Variants in CAPN8 observed in about 807,000 individuals in gnomAD.
CAPN8 encodes the protein calpain 8, also known as calpain-8.
Under a neutral mutation model 80.9 loss-of-function variants are expected in CAPN8, and 87 were observed. That is an observed-to-expected ratio of 1.07 (90% confidence interval 0.90 to 1.28). The LOEUF (loss-of-function observed/expected upper bound fraction) is 1.28, where lower values mean the gene tolerates loss of function less well. Among genes scored for constraint, CAPN8 ranks in the 50% most tolerant of loss-of-function variants. The pLI is 0.00. For missense variants in CAPN8, 757 were observed against 702.0 expected, an observed-to-expected ratio of 1.08 and a Z score of -0.89; for synonymous variants, 299 against 273.8, an observed-to-expected ratio of 1.09 and a Z score of -0.91.
intron 2 of CAPN8, among the ~76,000 whole-genome samples, chr1:223,629,197 A>AGAGTGTGTGTGTGTGTGTGT (rs373877760): frequency 3.1e-5 from 3 of 95,312 alleles, no homozygotes; most frequent in South Asian, 7.3e-4. Flanking sequence ...TACGTGTAAG[A>AGAGTGTGTGTGTGTGTGTGT]GTGTGTGTGT....
intron 3 of CAPN8, 102 bp from the exon 4 acceptor site, chr1:223,628,244 G>T: frequency 7.5e-7 from 1 of 1,330,074 alleles, no homozygotes; most frequent in Non-Finnish European, 1.0e-6. Flanking sequence ...ATCAGTGTTC[G>T]AGTCTTGGCT....
At chr1:223,616,346 G>A (rs1027833651) in intron 9 of CAPN8, among the ~76,000 whole-genome samples, 1 of 152,160 alleles carries the variant, frequency 6.6e-6, no homozygotes, top group African/African-American at 2.4e-5. Context: ...CACACACACA[G>A]ACATATGGCA....
At chr1:223,640,901 T>C (rs551505922) in intron 2 of CAPN8, among the ~76,000 whole-genome samples, 4 of 152,126 alleles carry the variant, frequency 2.6e-5, no homozygotes, top group Admixed American at 2.0e-4. Flanking sequence ...AAAGTAACAC[T>C]GAACATTTTG....
At chr1:223,638,308 C>G (rs777617741) in intron 2 of CAPN8, among the ~76,000 whole-genome samples, 7 of 152,004 alleles carry the variant, frequency 4.6e-5, no homozygotes, top group African/African-American at 9.7e-5. Context: ...TTTTGGTATT[C>G]CTGGGGATCC....
chr1:223,557,378 G>A (rs924756283), intron 13 of CAPN8, among the ~76,000 whole-genome samples: 6 of 152,254 alleles, frequency 3.9e-5, no homozygotes, highest in African/African-American at 9.6e-5. Context: ...CCAGAGACAC[G>A]TCAGTGTTGG....
At chr1:223,612,125 A>G (rs1657043734) in intron 11 of CAPN8, 121 bp downstream of exon 11, 1 of 814,310 alleles carries the variant, frequency 1.2e-6, no homozygotes, top group Admixed American at 4.4e-5. Flanking sequence ...TGACTGGATC[A>G]TGTGAGAGCT....
chr1:223,556,164 A>T (rs2102694338), intron 13 of CAPN8, among the ~76,000 whole-genome samples: 1 of 152,322 alleles, frequency 6.6e-6, no homozygotes, highest in African/African-American at 2.4e-5. Context: ...AGAGCAGGTG[A>T]TTATGCTCTT....
At chr1:223,648,187 A>T (rs964121637) in intron 2 of CAPN8, among the ~76,000 whole-genome samples, 1 of 152,246 alleles carries the variant, frequency 6.6e-6, no homozygotes, top group African/African-American at 2.4e-5. Flanking sequence ...GATGAGCACC[A>T]GGACCCAAGA....
Position 223,609,242 on chromosome 1 carries a change from C to G in CAPN8, c.1446G>C (p.Gly482=). 1 of 398,488 alleles carries G rather than the reference C, an allele frequency of 2.5e-6. No individual in the cohort carries two copies. Among genetic ancestry groups the G allele is most frequent in the South Asian group, 1.3e-4 (1 of 7,850 alleles). 24.7% of individuals were successfully genotyped at this position (398,488 alleles called of 1,614,324 possible). A position where few individuals can be genotyped will look rare whatever the true frequency, so the allele number is the denominator to read the frequency against. Residue 482 remains glycine (G), a synonymous_variant, in exon 12 of 21, where the codon GGG becomes GGC. Transcript: ENST00000366872. ...ATGTGGATGGCACCACCAGGTACTC[C>G]CCAGGGGGCAGCCGGGCCCGGCCAG... ...EVSGRARLPP[G]EYLVVPSTFE...
chr1:223,556,082 C>T (rs942668366), intron 13 of CAPN8, among the ~76,000 whole-genome samples: 22 of 152,146 alleles, frequency 1.4e-4, no homozygotes, highest in African/African-American at 5.3e-4. Context: ...TCTTTACAAC[C>T]CTGCTCAAAG....
chr1:223,644,168 G>C, intron 2 of CAPN8: 1 of 360,466 alleles, frequency 2.8e-6, no homozygotes. Context: ...ATCCAACCCA[G>C]TTGTTTTAAC....
At chr1:223,641,810 T>C (rs542226418) in intron 2 of CAPN8, among the ~76,000 whole-genome samples, 46 of 152,316 alleles carry the variant, frequency 3.0e-4, no homozygotes, top group African/African-American at 1.0e-3. Flanking sequence ...AGTGCCTATT[T>C]GTTCTCCGCT....
chr1:223,613,317 G>C (rs1657082902), intron 10 of CAPN8, among the ~76,000 whole-genome samples: 1 of 152,222 alleles, frequency 6.6e-6, no homozygotes, highest in Non-Finnish European at 1.5e-5. Context: ...CTAATTTTGA[G>C]TGTAAAACCA....
chr1:223,618,282 C>T, intron 9 of CAPN8: 1 of 1,550,588 alleles, frequency 6.4e-7, no homozygotes, highest in Non-Finnish European at 8.7e-7. Context: ...TAGGAGGAGC[C>T]TACACAGGGA....
intron 1 of CAPN8, among the ~76,000 whole-genome samples, chr1:223,659,299 C>T (rs10915905): frequency 3.2e-4 from 49 of 152,118 alleles, no homozygotes; most frequent in Non-Finnish European, 6.5e-4. Context: ...TTTTTAGAAC[C>T]CCCAGAGATG....
At chr1:223,610,612 A>T (rs927848862) in intron 11 of CAPN8, among the ~76,000 whole-genome samples, 1 of 152,142 alleles carries the variant, frequency 6.6e-6, no homozygotes, top group Non-Finnish European at 1.5e-5. Flanking sequence ...GAAGGGGGCA[A>T]ACTGAGTTCC....
chr1:223,542,059 G>A (rs1656479693), intron 20 of CAPN8, among the ~76,000 whole-genome samples, 200 bp from the exon 21 acceptor site: 1 of 151,950 alleles, frequency 6.6e-6, no homozygotes, highest in African/African-American at 2.4e-5. Flanking sequence ...ATGTGACTCA[G>A]AAAAAGCTCT....
intron 16 of CAPN8, 110 bp downstream of exon 16, chr1:223,549,207 TC>T: frequency 7.2e-7 from 1 of 1,381,710 alleles, no homozygotes; most frequent in Non-Finnish European, 9.8e-7. Flanking sequence ...GCCTGCTCTC[TC>T]CCCTTCTCAT....
chr1:223,664,967 G>T lies in CAPN8; in HGVS notation c.237+443C>A, dbSNP rs568586744. Among the ~76,000 whole-genome samples the T allele has an allele frequency of 1.5e-4, 23 of 151,850 alleles. No individual in the cohort carries two copies. The East Asian group carries it at 4.5e-3, about 29-fold the overall frequency. On this transcript the variant is annotated intron_variant, in intron 1 of 20. Coordinates refer to ENST00000366872, the MANE Select transcript of CAPN8 (RefSeq NM_001143962.2). ...AAAAAATAAGAGTTCAAAAGGTGAT[G>T]GGGGGGCCAGATGCAGTGGCTCATG... is the stretch of plus-strand genomic sequence containing the variant.
Sources: gnomAD v4.1 joint callset for allele counts (sites outside exome capture counted in the v4.1 genomes callset) on GRCh38, gnomAD v4.1.1 for gene constraint, MANE v1.5 for transcripts, NCBI Gene and HGNC (gene_info 2026-07-23, HGNC 2026-07-21) for gene names.